Variants in PPP2R2B observed in about 807,000 individuals in gnomAD.
The protein encoded by PPP2R2B is protein phosphatase 2 regulatory subunit Bbeta.
A neutral mutation model predicts 46.0 loss-of-function variants in PPP2R2B; 5 were observed. The observed-to-expected ratio is 0.11, with a 90% CI of 0.06 to 0.23. The LOEUF (loss-of-function observed/expected upper bound fraction) is 0.23, where lower values mean the gene tolerates loss of function less well. Ranked by LOEUF, PPP2R2B falls within the 10% of genes least tolerant of loss-of-function variation. The probability of loss-of-function intolerance (pLI) is 1.00; values close to 1 mark genes in which losing one functional copy is unlikely to be tolerated. For missense variants in PPP2R2B, 367 were observed against 575.0 expected (o/e 0.64, Z 3.70); for synonymous variants, 215 against 206.7 (o/e 1.04, Z -0.34).
At chr5:146,965,070 T>C (rs1752343514) in intron 1 of PPP2R2B, among the ~76,000 whole-genome samples, 1 of 152,146 alleles carries the variant, frequency 6.6e-6, no homozygotes, top group South Asian at 2.1e-4. Flanking sequence ...AAACTGTGTG[T>C]TTATATTTTC....
At chr5:146,917,355 A>G (rs1297077439) in intron 1 of PPP2R2B, among the ~76,000 whole-genome samples, 1 of 152,196 alleles carries the variant, frequency 6.6e-6, no homozygotes, top group African/African-American at 2.4e-5. Context: ...TCCTTGCTAT[A>G]TACCCTCCTC....
intron 1 of PPP2R2B, among the ~76,000 whole-genome samples, chr5:147,049,182 A>G (rs1383043246): frequency 6.6e-6 from 1 of 151,934 alleles, no homozygotes; most frequent in Non-Finnish European, 1.5e-5. Flanking sequence ...CATTTGAATG[A>G]TGGATGTGAT....
chr5:146,836,340 C>T (rs1277054538), intron 2 of PPP2R2B, among the ~76,000 whole-genome samples: 1 of 152,170 alleles, frequency 6.6e-6, no homozygotes, highest in African/African-American at 2.4e-5. Context: ...CTGTGGCTCA[C>T]CACACTCTTC....
intron 1 of PPP2R2B, among the ~76,000 whole-genome samples, chr5:146,942,077 G>A (rs527512268): frequency 1.7e-4 from 26 of 152,210 alleles, no homozygotes; most frequent in African/African-American, 5.1e-4. Context: ...AGTTATATTG[G>A]ATCAGGGCCC....
intron 2 of PPP2R2B, among the ~76,000 whole-genome samples, chr5:146,851,278 AT>A (rs1216562680): frequency 6.6e-6 from 1 of 152,132 alleles, no homozygotes; most frequent in Non-Finnish European, 1.5e-5. Context: ...TTCATTCAAC[AT>A]TTAACAAATA....
chr5:146,993,818 T>A (rs1047923018), intron 1 of PPP2R2B, among the ~76,000 whole-genome samples: 12 of 146,844 alleles, frequency 8.2e-5, no homozygotes, highest in East Asian at 2.0e-4. Flanking sequence ...TTTTTTTTTT[T>A]AAATAAATGT....
At chr5:147,031,654 G>C (rs1755791246) in intron 1 of PPP2R2B, among the ~76,000 whole-genome samples, 1 of 151,962 alleles carries the variant, frequency 6.6e-6, no homozygotes. Context: ...TATGTCCCTT[G>C]TATCTTTAGG....
rs1269723447 is a variant in PPP2R2B, at chr5:146,584,262, G to A, written c.*5685C>T. ...TCTGCCACCAGCAGTTTAACCAATG[G>A]GGCATGGAATATCTAAATTGGGGGA... On this transcript the variant is annotated 3_prime_UTR_variant, in exon 10 of 10. Transcript: ENST00000394411. The A allele has an allele frequency of 6.6e-6, 1 of 152,170 alleles. No individual in the cohort carries two copies. Among genetic ancestry groups the A allele is most frequent in the Non-Finnish European group, 1.5e-5 (1 of 68,034 alleles). 9.4% of individuals were successfully genotyped at this position (152,170 alleles called of 1,614,324 possible).
At position 146,789,625 on chromosome 5, in the gene PPP2R2B, C is replaced by A. The variant is rs140980208; in HGVS notation, c.70+88377G>T. 6.3e-3 allele frequency among the ~76,000 whole-genome samples: 964 copies of A among 152,134 alleles called. 10 individuals carry two copies. The highest frequency in any genetic ancestry group is 0.022 in the African/African-American group (924 of 41,490). ...CAAACGAGACAGTCACGGGCATGGT[C>A]CCTGCCCTCAAGGAGAGAGAGGCAA... On this transcript the variant is annotated intron_variant, in intron 2 of 9. Transcript: ENST00000394411.
chr5:146,751,801 A>G (rs1582022123), intron 2 of PPP2R2B, among the ~76,000 whole-genome samples: 1 of 152,254 alleles, frequency 6.6e-6, no homozygotes, highest in South Asian at 2.1e-4. Context: ...TGGTGAACAT[A>G]TGAGAAGAAC....
rs562229533 is a variant in PPP2R2B at position 146,948,140 on chromosome 5, G to C, written c.79+107525C>G. ...TTAACACTTTATGCAAATACTTTTT[G>C]AGACTGTCTGTCTCTCCCATGAGGC... On this transcript the variant is annotated intron_variant, in intron 1 of 8. Coordinates refer to the PPP2R2B transcript ENST00000336640. 3.3e-5 allele frequency among the ~76,000 whole-genome samples: 5 copies of C among 151,998 alleles called. No homozygotes were observed. In the East Asian group the frequency reaches 7.9e-4, roughly 24 times the overall value.
At chr5:146,756,111 C>T (rs185138914) in intron 2 of PPP2R2B, among the ~76,000 whole-genome samples, 14 of 152,274 alleles carry the variant, frequency 9.2e-5, no homozygotes, top group Non-Finnish European at 1.5e-5. Flanking sequence ...AGAGGCATTT[C>T]CTTCTCTTGA....
rs968116063 is a variant in PPP2R2B, at chr5:146,797,575, A to G, written c.70+80427T>C. On this transcript the variant is annotated intron_variant, in intron 2 of 9. Transcript: ENST00000394411. The stretch of plus-strand genomic sequence containing the variant: ...GCATCTGTGCTGAATATGATATAAC[A>G]AGGTATATTTGTAACCTCGTGCTTA... Among the ~76,000 whole-genome samples, 5 of 152,300 alleles carry G rather than the reference A, an allele frequency of 3.3e-5. No individual in the cohort carries two copies. In the East Asian group the frequency reaches 7.7e-4, roughly 24 times the overall value.
intron 2 of PPP2R2B, among the ~76,000 whole-genome samples, chr5:146,792,600 G>A (rs1756270534): frequency 6.6e-6 from 1 of 152,108 alleles, no homozygotes. Flanking sequence ...AAAGACTAAA[G>A]GTGCAAGGGG....
intron 1 of PPP2R2B, among the ~76,000 whole-genome samples, chr5:146,986,702 A>G (rs898082350): frequency 1.3e-5 from 2 of 152,220 alleles, no homozygotes; most frequent in Non-Finnish European, 1.5e-5. Flanking sequence ...CTATTTGAAA[A>G]TACACAGTCA....
chr5:146,684,924 C>T (rs544754462), intron 5 of PPP2R2B, among the ~76,000 whole-genome samples: 48 of 152,080 alleles, frequency 3.2e-4, no homozygotes, highest in Non-Finnish European at 5.9e-4. Flanking sequence ...AGGCAGAGTC[C>T]CCGGTGACCA....
intron 7 of PPP2R2B, among the ~76,000 whole-genome samples, chr5:146,600,955 A>G (rs1771724820): frequency 6.6e-6 from 1 of 152,146 alleles, no homozygotes; most frequent in African/African-American, 2.4e-5. Flanking sequence ...GTTACTTTCC[A>G]TTCCCTGCTC....
intron 1 of PPP2R2B, among the ~76,000 whole-genome samples, chr5:146,900,041 C>T (rs1406145524): frequency 1.3e-5 from 2 of 152,164 alleles, no homozygotes; most frequent in Non-Finnish European, 2.9e-5. Flanking sequence ...GAAAGAACAA[C>T]TCAAACAAGA....
chr5:146,984,277 T>A (rs995435604), intron 1 of PPP2R2B, among the ~76,000 whole-genome samples: 1 of 152,194 alleles, frequency 6.6e-6, no homozygotes, highest in African/African-American at 2.4e-5. Flanking sequence ...CTGGTAACCA[T>A]CATTCTACTC....
Sources: allele counts gnomAD v4.1 joint callset (sites outside exome capture counted in the v4.1 genomes callset), GRCh38; gene constraint gnomAD v4.1.1; transcripts MANE v1.5; gene names NCBI Gene and HGNC (gene_info 2026-07-23, HGNC 2026-07-21).